The following PCM1 variants were observed in gnomAD, a reference collection of about 807,000 sequenced individuals.
PCM1 encodes pericentriolar material 1 protein.
In PCM1, 157 loss-of-function variants were observed where a neutral mutation model predicts 241.9. The observed-to-expected ratio is 0.65, with a 90% CI of 0.57 to 0.74. The LOEUF is 0.74. Ranked by LOEUF, PCM1 falls within the 30% of genes least tolerant of loss-of-function variation. The pLI is 0.00. For synonymous variants in PCM1, 1,085 were observed against 784.9 expected (o/e 1.38, Z -6.39); for missense variants, 3,478 against 2,360.1 (o/e 1.47, Z -9.81).
chr8:17,953,753 A>G (rs1586659949), intron 9 of PCM1, among the ~76,000 whole-genome samples: 2 of 152,298 alleles, frequency 1.3e-5, no homozygotes, highest in Non-Finnish European at 2.9e-5. Flanking sequence ...CACGTGTTTA[A>G]CCTTCTTTGT....
At chr8:17,991,866 C>CT (rs1250192089) in intron 28 of PCM1, among the ~76,000 whole-genome samples, 166 bp downstream of exon 28, 1 of 152,202 alleles carries the variant, frequency 6.6e-6, no homozygotes, top group East Asian at 1.9e-4. Flanking sequence ...CCCACCCTTT[C>CT]CCCTGAAACC....
chr8:17,952,039 A>G (rs931825966), intron 8 of PCM1, among the ~76,000 whole-genome samples: 1 of 152,114 alleles, frequency 6.6e-6, no homozygotes, highest in Non-Finnish European at 1.5e-5. Context: ...CCTGGCCAAC[A>G]TGGTGAAACC....
intron 23 of PCM1, among the ~76,000 whole-genome samples, chr8:17,975,421 C>T (rs1238404201): frequency 2.0e-5 from 3 of 152,022 alleles, no homozygotes; most frequent in Admixed American, 6.6e-5. Context: ...CATTGGCCTC[C>T]GGAAGTGGTG....
intron 29 of PCM1, among the ~76,000 whole-genome samples, chr8:17,995,359 G>T (rs1282838060): frequency 1.3e-5 from 2 of 151,126 alleles, no homozygotes; most frequent in Non-Finnish European, 2.9e-5. Context: ...ATTTGTTTCT[G>T]GGTTCTCTGT....
chr8:17,956,374 C>T (rs925890300), intron 10 of PCM1, among the ~76,000 whole-genome samples: 2 of 152,062 alleles, frequency 1.3e-5, no homozygotes, highest in African/African-American at 4.8e-5. Flanking sequence ...AATTGGTTTT[C>T]TTACACTTTT....
intron 2 of PCM1, among the ~76,000 whole-genome samples, chr8:17,929,203 T>C (rs1190583752): frequency 6.6e-6 from 1 of 152,192 alleles, no homozygotes; most frequent in African/African-American, 2.4e-5. Context: ...ACTTCTCTTA[T>C]CTGGCAAGGT....
intron 15 of PCM1, among the ~76,000 whole-genome samples, 182 bp from the exon 16 acceptor site, chr8:17,961,852 G>C (rs1345242023): frequency 6.6e-6 from 1 of 152,098 alleles, no homozygotes; most frequent in Non-Finnish European, 1.5e-5. Flanking sequence ...GTTAACCTCA[G>C]CTTGTGTTTT....
chr8:17,970,098 T>C lies in PCM1; in HGVS notation c.3584+350T>C, dbSNP rs1312363399. 2.6e-5 allele frequency among the ~76,000 whole-genome samples: 4 copies of C among 152,276 alleles called. No homozygotes were observed. The East Asian group carries it at 5.8e-4, about 22-fold the overall frequency. On this transcript the variant is annotated intron_variant, in intron 22 of 38. Transcript: ENST00000325083. Reference sequence around the variant, plus strand: ...GTTAAGTGATGATCCCTTTTTTTGATTCCTAGCTCTTGATTAGAATCACTT... The same window carrying C: ...GTTAAGTGATGATCCCTTTTTTTGACTCCTAGCTCTTGATTAGAATCACTT...
At chr8:17,948,947 A>G (rs2064947964) in intron 7 of PCM1, among the ~76,000 whole-genome samples, 1 of 152,190 alleles carries the variant, frequency 6.6e-6, no homozygotes, top group Admixed American at 6.5e-5. Context: ...TCTGTTTTAT[A>G]GAGAAGGAAC....
chr8:17,996,347 A>G (rs947846472), intron 29 of PCM1, among the ~76,000 whole-genome samples: 5 of 152,110 alleles, frequency 3.3e-5, no homozygotes, highest in African/African-American at 4.8e-5. Flanking sequence ...TGATTGATTT[A>G]CCTATGTTGA....
intron 6 of PCM1, 48 bp downstream of exon 6, chr8:17,939,909 G>A (rs765243262): frequency 2.5e-6 from 3 of 1,212,534 alleles, no homozygotes; most frequent in East Asian, 5.1e-5. Context: ...TAGTATCTCA[G>A]TGTGTATTTA....
chr8:17,966,722 C>T (rs537073416), intron 20 of PCM1, among the ~76,000 whole-genome samples: 1 of 152,282 alleles, frequency 6.6e-6, no homozygotes, highest in Non-Finnish European at 1.5e-5. Flanking sequence ...AATTGTACCA[C>T]AGTGAAGCTA....
chr8:17,931,850 T>C (rs570370320), intron 2 of PCM1, among the ~76,000 whole-genome samples: 48 of 152,244 alleles, frequency 3.2e-4, no homozygotes, highest in Middle Eastern at 6.8e-3. Context: ...TATACTTCTA[T>C]GGGTATTATT....
chr8:17,938,831 C>G lies in PCM1; in HGVS notation c.434C>G (p.Pro145Arg). 1.2e-6 allele frequency: 2 copies of G among 1,613,512 alleles called. No individual in the cohort carries two copies. The highest frequency in any genetic ancestry group is 1.7e-6 in the Non-Finnish European group (2 of 1,179,428). The change falls in exon 5 of 39, where the codon CCT (proline) becomes CGT (arginine). Residue 145 changes from proline (P) to arginine (R), a missense_variant. Physicochemically the swap from Pro to Arg is moderately radical, Grantham distance 103 (BLOSUM62 -2). Coordinates refer to ENST00000325083, the MANE Select transcript of PCM1 (RefSeq NM_006197.4). ...AACCGAAAGCCCTTCAACTTTTTGCCTATGCAGATTAATACTAACAAGAGC... is the reference window on the plus strand; with the variant it reads ...AACCGAAAGCCCTTCAACTTTTTGCGTATGCAGATTAATACTAACAAGAGC... ...SENRKPFNFLPMQINTNKSKD... is the reference protein window; with the variant it reads ...SENRKPFNFLRMQINTNKSKD...
At chr8:17,931,887 G>A (rs901960111) in intron 2 of PCM1, among the ~76,000 whole-genome samples, 4 of 151,964 alleles carry the variant, frequency 2.6e-5, no homozygotes, top group Non-Finnish European at 4.4e-5. Context: ...TATATTTCTA[G>A]TATAAATAAT....
chr8:17,943,180 A>ATTTT (rs5889755), intron 6 of PCM1, among the ~76,000 whole-genome samples: 1 of 131,716 alleles, frequency 7.6e-6, no homozygotes, highest in African/African-American at 2.9e-5. Flanking sequence ...GGTTTGTTGT[A>ATTTT]TTTTTTTTTT....
rs2067815463 is a variant in PCM1, at chr8:17,955,382, T to C, written c.1289-88T>C. 3 of 870,242 alleles carry C rather than the reference T, an allele frequency of 3.4e-6. No homozygotes were observed. In the East Asian group the frequency reaches 8.2e-5, roughly 24 times the overall value. The allele number at this position is 870,242 out of a possible 1,614,324, so 53.9% of individuals were successfully genotyped here. Reference sequence around the variant, plus strand: ...AAATTAAGTTGTTAATTTTTACTTTTTAGTTTTCAATATCCAAGCCAACTG... The same window carrying C: ...AAATTAAGTTGTTAATTTTTACTTTCTAGTTTTCAATATCCAAGCCAACTG... On this transcript the variant is annotated intron_variant, in intron 9 of 38. Coordinates refer to ENST00000325083, the MANE Select transcript of PCM1 (RefSeq NM_006197.4).
chr8:17,953,868 C>T (rs1416001429), intron 9 of PCM1, among the ~76,000 whole-genome samples: 1 of 152,180 alleles, frequency 6.6e-6, no homozygotes, highest in Middle Eastern at 3.2e-3. Flanking sequence ...AAATTGAAGT[C>T]AGTAGGGACA....
chr8:17,980,529 C>T (rs553113934), intron 23 of PCM1, 62 bp from the exon 24 acceptor site: 12 of 1,401,262 alleles, frequency 8.6e-6, no homozygotes, highest in East Asian at 4.6e-5. Flanking sequence ...CAATGGAAAC[C>T]GATTTCCCTT....
Sources: gnomAD v4.1 joint callset for allele counts (sites outside exome capture counted in the v4.1 genomes callset) on GRCh38, gnomAD v4.1.1 for gene constraint, MANE v1.5 for transcripts, NCBI Gene and HGNC (gene_info 2026-07-23, HGNC 2026-07-21) for gene names.